The following PHF20 variants were observed in gnomAD, a reference collection of about 807,000 sequenced individuals.
PHF20 encodes the protein glioma-expressed antigen 2.
PHF20 carries 23 observed loss-of-function variants against 113.5 expected under a neutral mutation model. The ratio of observed to expected loss-of-function variants is 0.20; its 90% CI spans 0.15 to 0.29. The LOEUF (loss-of-function observed/expected upper bound fraction) is 0.29. Among genes scored for constraint, PHF20 ranks in the 10% least tolerant of loss-of-function variants. PHF20 has a pLI of 1.00. For synonymous variants in PHF20, 434 were observed against 457.3 expected, an observed-to-expected ratio of 0.95 and a Z score of 0.65; for missense variants, 943 against 1,219.6, an observed-to-expected ratio of 0.77 and a Z score of 3.38.
At chr20:35,895,941 T>A (rs1054070465) in intron 9 of PHF20, among the ~76,000 whole-genome samples, 2 of 152,048 alleles carry the variant, frequency 1.3e-5, no homozygotes. Flanking sequence ...CCTGCCTTGG[T>A]CTCCCAAAGT....
chr20:35,872,622 T>G (rs997016146), intron 9 of PHF20, among the ~76,000 whole-genome samples: 9 of 152,226 alleles, frequency 5.9e-5, no homozygotes, highest in Admixed American at 2.6e-4. Context: ...TTTGTTCAAT[T>G]TAATATATCT....
At position 35,949,154 on chromosome 20, in the gene PHF20, A is replaced by C. The variant is rs576649746; in HGVS notation, c.*1527A>C. 1.3e-5 allele frequency: 2 copies of C among 152,770 alleles called. No individual in the cohort carries two copies. Among genetic ancestry groups the C allele is most frequent in the South Asian group, 4.1e-4 (2 of 4,834 alleles). The allele number at this position is 152,770 out of a possible 1,614,324, so 9.5% of individuals were successfully genotyped here. On this transcript the variant is annotated 3_prime_UTR_variant, in exon 18 of 18. Coordinates refer to ENST00000374012, the MANE Select transcript of PHF20 (RefSeq NM_016436.5). ...CTGCTATAGCTGTCCATCAGAGAGA[A>C]TACACGTGGCTATAACATCTATAAC... is the stretch of plus-strand genomic sequence containing the variant.
chr20:35,775,710 C>T (rs1416817384), intron 1 of PHF20, among the ~76,000 whole-genome samples: 8 of 139,722 alleles, frequency 5.7e-5, no homozygotes, highest in Non-Finnish European at 9.0e-5. Flanking sequence ...GCCAAAATTG[C>T]ACCACTGCAC....
At chr20:35,824,543 G>A (rs2042229610) in intron 2 of PHF20, among the ~76,000 whole-genome samples, 1 of 151,228 alleles carries the variant, frequency 6.6e-6, no homozygotes, top group Non-Finnish European at 1.5e-5. Context: ...GGAGGCAGAG[G>A]TTTCAGTGAG....
intron 9 of PHF20, among the ~76,000 whole-genome samples, chr20:35,881,351 C>T (rs746311527): frequency 1.2e-4 from 18 of 151,928 alleles, no homozygotes; most frequent in Middle Eastern, 6.8e-3. Flanking sequence ...AGCCACCGCA[C>T]CCGGCCTCCC....
At chr20:35,874,199 C>G (rs2054476654) in intron 9 of PHF20, among the ~76,000 whole-genome samples, 1 of 152,158 alleles carries the variant, frequency 6.6e-6, no homozygotes, top group African/African-American at 2.4e-5. Flanking sequence ...TGGTCTGGAA[C>G]TCCTGACGTC....
chr20:35,913,212 A>C, intron 10 of PHF20, 37 bp from the exon 11 acceptor site: 1 of 1,498,748 alleles, frequency 6.7e-7, no homozygotes, highest in Admixed American at 1.7e-5. Context: ...CATTGAAAAC[A>C]AAATGTTAAA....
In PHF20 at chr20:35,842,759, T is replaced by C. The variant is rs531630510; in HGVS notation, c.255+15T>C. 4 of 1,610,928 alleles carry C rather than the reference T, an allele frequency of 2.5e-6. No individual in the cohort carries two copies. The Admixed American group carries it at 6.7e-5, about 27-fold the overall frequency. ...ATGGATCTTCTGTGAGTAACAAATCTGGGAAGTTCTGTAGTATGCAAGGTC... is the reference window on the plus strand; with the variant it reads ...ATGGATCTTCTGTGAGTAACAAATCCGGGAAGTTCTGTAGTATGCAAGGTC... On this transcript the variant is annotated intron_variant, in intron 3 of 17. Coordinates refer to ENST00000374012, the MANE Select transcript of PHF20 (RefSeq NM_016436.5).
chr20:35,875,265 G>A (rs769299475), intron 9 of PHF20, among the ~76,000 whole-genome samples: 1 of 152,074 alleles, frequency 6.6e-6, no homozygotes, highest in Non-Finnish European at 1.5e-5. Flanking sequence ...GGGCTTGGTG[G>A]CGCACGCCTG....
intron 12 of PHF20, among the ~76,000 whole-genome samples, chr20:35,915,363 ATTTTG>A (rs955313125): frequency 7.3e-5 from 11 of 150,962 alleles, no homozygotes; most frequent in Middle Eastern, 7.0e-3. Flanking sequence ...ATATATATAT[ATTTTG>A]TTTTGTTTTG....
intron 1 of PHF20, among the ~76,000 whole-genome samples, chr20:35,789,058 G>A (rs2041483683): frequency 6.6e-6 from 1 of 152,156 alleles, no homozygotes. Flanking sequence ...GAATGCAGGT[G>A]TGAAGGAAGT....
At chr20:35,853,220 C>CA (rs374587283) in intron 4 of PHF20, 19,425 of 68,996 alleles carry the variant, frequency 0.28, 1,836 homozygotes, top group South Asian at 0.45. Context: ...AGACTCGTCT[C>CA]AAAAAAAAAA....
chr20:35,886,932 G>A (rs1448715903), intron 9 of PHF20, among the ~76,000 whole-genome samples: 1 of 152,098 alleles, frequency 6.6e-6, no homozygotes, highest in Non-Finnish European at 1.5e-5. Flanking sequence ...ATGAATGGGA[G>A]GTGCGTTTGG....
At chr20:35,772,273 G>A (rs1219742309) in intron 1 of PHF20, among the ~76,000 whole-genome samples, 194 bp downstream of exon 1, 1 of 151,738 alleles carries the variant, frequency 6.6e-6, no homozygotes, top group Admixed American at 6.6e-5. Flanking sequence ...AGCGTGGCGG[G>A]CGTGCGAGCG....
chr20:35,911,857 C>A lies in PHF20; in HGVS notation c.1562-1392C>A, dbSNP rs934495514. ...TATTTTTAGTAGAGACGGGGTTTTG[C>A]CATGTGGGCCAGGCTGATCTCAAGC... On this transcript the variant is annotated intron_variant, in intron 10 of 17. Coordinates refer to ENST00000374012, the MANE Select transcript of PHF20 (RefSeq NM_016436.5). Among the ~76,000 whole-genome samples the A allele has an allele frequency of 6.2e-4, 94 of 152,018 alleles. 1 individual carries two copies. Among genetic ancestry groups the A allele is most frequent in the African/African-American group, 2.2e-3 (90 of 41,402 alleles).
chr20:35,919,246 A>T (rs557823643), intron 13 of PHF20, among the ~76,000 whole-genome samples: 19 of 151,366 alleles, frequency 1.3e-4, no homozygotes, highest in Admixed American at 1.2e-3. Flanking sequence ...GGAACTCCCG[A>T]CCTCAGGTGA....
At chr20:35,796,995 C>A (rs929417689) in intron 1 of PHF20, among the ~76,000 whole-genome samples, 1 of 152,002 alleles carries the variant, frequency 6.6e-6, no homozygotes. Context: ...TAAATTCTTG[C>A]ATTTAAAAAA....
intron 5 of PHF20, among the ~76,000 whole-genome samples, chr20:35,860,561 A>G (rs1018254968): frequency 9.9e-5 from 15 of 152,254 alleles, no homozygotes; most frequent in African/African-American, 3.6e-4. Flanking sequence ...GGATTTTGAT[A>G]CATGATACCT....
At chr20:35,887,628 C>T (rs2054759471) in intron 9 of PHF20, 1 of 152,088 alleles carries the variant, frequency 6.6e-6, no homozygotes, top group East Asian at 1.9e-4. Flanking sequence ...CATACTGTCT[C>T]CTTCGCCATA....
Sources: allele counts gnomAD v4.1 joint callset (sites outside exome capture counted in the v4.1 genomes callset), GRCh38; gene constraint gnomAD v4.1.1; transcripts MANE v1.5; gene names NCBI Gene and HGNC (gene_info 2026-07-23, HGNC 2026-07-21).